CCL5: variants seen among roughly 807,000 people sequenced by gnomAD.
The protein encoded by CCL5 is C-C motif chemokine ligand 5, also known as C-C motif chemokine 5.
In CCL5, 5 loss-of-function variants were observed where a neutral mutation model predicts 9.0. That is an observed-to-expected ratio of 0.55 (90% confidence interval 0.29 to 1.16). The LOEUF (loss-of-function observed/expected upper bound fraction) is 1.16. Ranked by LOEUF, CCL5 falls within the 50% of genes most tolerant of loss-of-function variation. The pLI, the probability that CCL5 is intolerant of heterozygous loss-of-function variation, is 0.08. For synonymous variants in CCL5, 66 were observed against 72.0 expected (o/e 0.92, Z 0.42); for missense variants, 183 against 183.2 (o/e 1.00, Z 0.01).
intron 2 of CCL5, among the ~76,000 whole-genome samples, chr17:35,875,824 C>T (rs961324161): frequency 5.2e-4 from 79 of 152,130 alleles, no homozygotes; most frequent in African/African-American, 1.7e-3. Context: ...TCTGCCTACC[C>T]CTTAAGAGCG....
Position 35,872,319 on chromosome 17 carries a change from A to G in CCL5, c.416T>C (p.Val139Ala). The change falls in exon 4 of 4, where the codon GTC (valine) becomes GCC (alanine). Residue 139 changes from valine to alanine, a missense_variant. By Grantham distance (64) the Val-to-Ala change is moderately conservative (BLOSUM62 0). Transcript: ENST00000651122. Reference sequence around the variant, plus strand: ...GTGAGGGGAAGCCTCCCAAGCTAGGACAAGAGCAAGCAGAAACAGGCAAAT... The same window carrying G: ...GTGAGGGGAAGCCTCCCAAGCTAGGGCAAGAGCAAGCAGAAACAGGCAAAT... The G allele has an allele frequency of 6.2e-7, 1 of 1,608,234 alleles. No individual in the cohort carries two copies. The highest frequency in any genetic ancestry group is 8.5e-7 in the Non-Finnish European group (1 of 1,175,734).
At chr17:35,874,673 C>T (rs2088418140) in intron 3 of CCL5, among the ~76,000 whole-genome samples, 1 of 151,898 alleles carries the variant, frequency 6.6e-6, no homozygotes, top group Non-Finnish European at 1.5e-5. Context: ...TGCAGTGGCA[C>T]AATCTTGGCT....
At position 35,871,702 on chromosome 17, in the gene CCL5, G is replaced by A. The variant is rs1293827815; in HGVS notation, c.*568C>T. 4 of 152,202 alleles carry A rather than the reference G, an allele frequency of 2.6e-5. No individual in the cohort carries two copies. The highest frequency in any genetic ancestry group is 9.7e-5 in the African/African-American group (4 of 41,448). The allele number at this position is 152,202 out of a possible 1,614,324, so 9.4% of individuals were successfully genotyped here. ...AACCTAGAGACTTCCTTTTGACAAA[G>A]CAGCGCCTCAGAAGCTCTTCTAGGC... On this transcript the variant is annotated 3_prime_UTR_variant, in exon 4 of 4. Transcript: ENST00000651122.
At chr17:35,877,664 A>G (rs2088457967) in intron 2 of CCL5, among the ~76,000 whole-genome samples, 1 of 152,234 alleles carries the variant, frequency 6.6e-6, no homozygotes, top group Admixed American at 6.5e-5. Flanking sequence ...CACATAAGAC[A>G]TTTGACACAT....
chr17:35,878,713 T>C, intron 1 of CCL5, 74 bp from the exon 2 acceptor site: 2 of 824,224 alleles, frequency 2.4e-6, no homozygotes, highest in Non-Finnish European at 3.9e-6. Context: ...CTGGACACTT[T>C]ATATGATTTA....
In CCL5 at chr17:35,876,115, C is replaced by T. The variant is rs143162204; in HGVS notation, c.189-473G>A. Among the ~76,000 whole-genome samples the T allele has an allele frequency of 9.2e-5, 14 of 152,236 alleles. No homozygotes were observed. The East Asian group carries it at 2.5e-3, about 27-fold the overall frequency. On this transcript the variant is annotated intron_variant, in intron 2 of 3. Coordinates refer to ENST00000651122, the MANE Select transcript of CCL5 (RefSeq NM_001278736.2). ...TTACTGTGACCCAGTGGGGGAAGTA[C>T]TTCTATTACCCTATTTTGTAGAGGA...
rs957794382 is a variant in CCL5, at chr17:35,872,413, C to A, written c.322G>T (p.Gly108Cys). The A allele has an allele frequency of 5.0e-6, 8 of 1,613,880 alleles. No individual in the cohort carries two copies. The highest frequency in any genetic ancestry group is 1.1e-5 in the South Asian group (1 of 91,064). The change falls in exon 4 of 4, where the codon GGT becomes TGT. Residue 108 changes from glycine to cysteine, a missense_variant. Gly to Cys is a radical substitution (Grantham distance 159). Transcript: ENST00000651122. ...CCAAAGAGTTGATGTACTCCCGAAC[C>A]CATTTCTTCTCTGGGTTGGCACACA...
rs372562673 is a variant in CCL5, at chr17:35,872,345, T to C, written c.390A>G (p.Gln130=). ...CAAGAGCAAGCAGAAACAGGCAAATTTGTGTAAGTTCAGGTTCAAGGACTC... is the reference window on the plus strand; with the variant it reads ...CAAGAGCAAGCAGAAACAGGCAAATCTGTGTAAGTTCAGGTTCAAGGACTC... The change falls in exon 4 of 4, where the codon CAA becomes CAG. Residue 130 remains glutamine, a synonymous_variant. Transcript: ENST00000651122. 1.9e-6 allele frequency: 3 copies of C among 1,610,464 alleles called. No homozygotes were observed. Among genetic ancestry groups the C allele is most frequent in the African/African-American group, 2.7e-5 (2 of 74,594 alleles).
chr17:35,873,991 T>C (rs578102458), intron 3 of CCL5, among the ~76,000 whole-genome samples: 4 of 152,194 alleles, frequency 2.6e-5, no homozygotes, highest in African/African-American at 9.6e-5. Context: ...AATGTAAAAG[T>C]TGGGGGTCAT....
At chr17:35,876,102 A>G (rs981213845) in intron 2 of CCL5, among the ~76,000 whole-genome samples, 1 of 152,156 alleles carries the variant, frequency 6.6e-6, no homozygotes, top group Non-Finnish European at 1.5e-5. Flanking sequence ...ACTGTGACCC[A>G]GTGGGGGAAG....
intron 3 of CCL5, chr17:35,875,484 A>C: frequency 1.8e-6 from 1 of 558,718 alleles, no homozygotes; most frequent in Non-Finnish European, 2.3e-6. Context: ...AAGGGAACGG[A>C]AGCAATATTC....
chr17:35,873,462 C>T (rs1413852748), intron 3 of CCL5, among the ~76,000 whole-genome samples: 1 of 152,204 alleles, frequency 6.6e-6, no homozygotes, highest in Non-Finnish European at 1.5e-5. Context: ...GCTGGGATTA[C>T]AGGCATGAGC....
At chr17:35,878,148 G>C (rs1356016672) in intron 2 of CCL5, among the ~76,000 whole-genome samples, 1 of 151,800 alleles carries the variant, frequency 6.6e-6, no homozygotes, top group Non-Finnish European at 1.5e-5. Flanking sequence ...GCCAGGCATG[G>C]TGTGGGCACC....
rs35764706 is a variant in CCL5 at position 35,879,635 on chromosome 17, C to CAA, written c.76+593_76+594dup. Reference sequence around the variant, plus strand: ...GGGCGACAGAGCGAAGACTCCATCTCAAAAAAAAAAAAAAAAAAAAAAAAG... The same window carrying CAA: ...GGGCGACAGAGCGAAGACTCCATCTCAAAAAAAAAAAAAAAAAAAAAAAAAAG... On this transcript the variant is annotated intron_variant, in intron 1 of 3. Transcript: ENST00000651122. Among the ~76,000 whole-genome samples the CAA allele has an allele frequency of 9.6e-3, 458 of 47,802 alleles. 2 individuals carry two copies. The highest frequency in any genetic ancestry group is 0.021 in the African/African-American group (283 of 13,746). 31.4% of individuals were successfully genotyped at this position (47,802 alleles called of 152,430 possible).
intron 3 of CCL5, among the ~76,000 whole-genome samples, chr17:35,873,619 TATTA>T (rs2088405780): frequency 6.6e-6 from 1 of 152,270 alleles, no homozygotes; most frequent in African/African-American, 2.4e-5. Flanking sequence ...TTTCACCATT[TATTA>T]GTTTGATCAT....
At chr17:35,877,516 C>G (rs2088456015) in intron 2 of CCL5, among the ~76,000 whole-genome samples, 1 of 152,224 alleles carries the variant, frequency 6.6e-6, no homozygotes, top group South Asian at 2.1e-4. Context: ...AGAGGAGGCT[C>G]TAGAGATGGA....
At chr17:35,872,945 A>G (rs139923007) in intron 3 of CCL5, among the ~76,000 whole-genome samples, 428 of 147,144 alleles carry the variant, frequency 2.9e-3, no homozygotes, top group Non-Finnish European at 4.8e-3. Flanking sequence ...CTGGAGTGCA[A>G]GTGGCACGAT....
intron 1 of CCL5, among the ~76,000 whole-genome samples, chr17:35,879,209 A>C (rs2088481579): frequency 6.6e-6 from 1 of 152,158 alleles, no homozygotes; most frequent in African/African-American, 2.4e-5. Context: ...AGCAAGATGG[A>C]ACCAGGTTTG....
chr17:35,872,413 C>G lies in CCL5; in HGVS notation c.322G>C (p.Gly108Arg). Reference sequence around the variant, plus strand: ...CCAAAGAGTTGATGTACTCCCGAACCCATTTCTTCTCTGGGTTGGCACACA... The same window carrying G: ...CCAAAGAGTTGATGTACTCCCGAACGCATTTCTTCTCTGGGTTGGCACACA... The change falls in exon 4 of 4, where the codon GGT becomes CGT. Residue 108 changes from glycine (G) to arginine (R), a missense_variant. Transcript: ENST00000651122. 1 of 1,613,880 alleles carries G rather than the reference C, an allele frequency of 6.2e-7. No individual in the cohort carries two copies. Among genetic ancestry groups the G allele is most frequent in the African/African-American group, 1.3e-5 (1 of 74,952 alleles).
Sources: allele counts gnomAD v4.1 joint callset (sites outside exome capture counted in the v4.1 genomes callset), GRCh38; gene constraint gnomAD v4.1.1; transcripts MANE v1.5; gene names NCBI Gene and HGNC (gene_info 2026-07-23, HGNC 2026-07-21).